The following VWDE variants were observed in gnomAD, a reference collection of about 807,000 sequenced individuals.
The protein encoded by VWDE is von Willebrand factor D and EGF domain-containing protein.
VWDE carries 207 observed loss-of-function variants against 178.4 expected under a neutral mutation model. The ratio of observed to expected loss-of-function variants is 1.16; its 90% CI spans 1.04 to 1.30. The LOEUF (loss-of-function observed/expected upper bound fraction) is 1.30. VWDE is among the 50% of genes most tolerant of loss of function. The pLI is 0.00. For missense variants in VWDE, 2,287 were observed against 1,901.3 expected, an observed-to-expected ratio of 1.20 and a Z score of -3.77; for synonymous variants, 738 against 651.4, an observed-to-expected ratio of 1.13 and a Z score of -2.02.
Position 12,401,488 on chromosome 7 carries a change from G to A in VWDE, c.58+2171C>T, listed in dbSNP as rs574871114. On this transcript the variant is annotated intron_variant, in intron 1 of 28. Transcript: ENST00000275358. ...AAGTACTCATTTTTTAAAATGGCAA[G>A]ATCTGAGTATTTCTCTGAAGAGAAT... Among the ~76,000 whole-genome samples, 7 of 152,226 alleles carry A rather than the reference G, an allele frequency of 4.6e-5. No individual in the cohort carries two copies. In the East Asian group the frequency reaches 1.3e-3, roughly 29 times the overall value.
chr7:12,371,550 G>A (rs139191506), intron 10 of VWDE, among the ~76,000 whole-genome samples: 66 of 152,060 alleles, frequency 4.3e-4, no homozygotes, highest in African/African-American at 1.5e-3. Context: ...TGCTCTTCTG[G>A]TTGTTTTTCC....
chr7:12,374,012 T>A (rs1460853582), intron 9 of VWDE, among the ~76,000 whole-genome samples: 2 of 152,136 alleles, frequency 1.3e-5, no homozygotes, highest in Non-Finnish European at 2.9e-5. Context: ...CATATTACAA[T>A]TTTTTAAGCA....
At chr7:12,390,897 A>G (rs1392586378) in intron 2 of VWDE, among the ~76,000 whole-genome samples, 2 of 152,148 alleles carry the variant, frequency 1.3e-5, no homozygotes, top group Non-Finnish European at 1.5e-5. Flanking sequence ...AATCAATCTT[A>G]CTAAAGACAC....
chr7:12,335,051 C>T (rs183658424), intron 27 of VWDE, among the ~76,000 whole-genome samples: 56 of 152,150 alleles, frequency 3.7e-4, no homozygotes, highest in African/African-American at 1.2e-3. Context: ...AAACTACATG[C>T]AAAATTTCTG....
intron 2 of VWDE, among the ~76,000 whole-genome samples, chr7:12,392,425 A>G (rs1409292230): frequency 6.6e-6 from 1 of 152,210 alleles, no homozygotes; most frequent in African/African-American, 2.4e-5. Context: ...ATCAATAATA[A>G]GAGTTGAACT....
intron 15 of VWDE, among the ~76,000 whole-genome samples, chr7:12,360,911 T>C (rs1782540105): frequency 6.6e-6 from 1 of 152,200 alleles, no homozygotes; most frequent in Non-Finnish European, 1.5e-5. Context: ...TAATTTAGTC[T>C]GGACTTCCTC....
intron 23 of VWDE, among the ~76,000 whole-genome samples, chr7:12,341,175 A>T (rs1178492378): frequency 6.6e-6 from 1 of 151,126 alleles, no homozygotes; most frequent in African/African-American, 2.5e-5. Flanking sequence ...ACAATATGCG[A>T]CTTGAAATGA....
intron 1 of VWDE, among the ~76,000 whole-genome samples, chr7:12,396,454 TA>T (rs1784630716): frequency 1.3e-5 from 2 of 152,242 alleles, no homozygotes; most frequent in Non-Finnish European, 2.9e-5. Context: ...GAATTTCAAG[TA>T]TTTTTTTAGT....
chr7:12,373,200 A>T lies in VWDE; in HGVS notation c.1364T>A (p.Met455Lys). The T allele has an allele frequency of 6.4e-7, 1 of 1,551,462 alleles. No homozygotes were observed. Among genetic ancestry groups the T allele is most frequent in the Non-Finnish European group, 8.7e-7 (1 of 1,146,796 alleles). ...KTGTFVLYKS[M>K]SRDFEVHVRQ... is the part of the protein sequence containing the mutation. ...TACATGGACTTCAAAATCACGTGACATACTCTTATAAAGCACAAATGTTCC... is the reference window on the plus strand; with the variant it reads ...TACATGGACTTCAAAATCACGTGACTTACTCTTATAAAGCACAAATGTTCC... The change falls in exon 10 of 29, where the codon ATG becomes AAG. Residue 455 changes from methionine to lysine, a missense_variant. Met to Lys is a moderately conservative substitution (Grantham distance 95). Coordinates refer to ENST00000275358, the MANE Select transcript of VWDE (RefSeq NM_001135924.3).
At chr7:12,392,689 T>C (rs1784440321) in intron 2 of VWDE, among the ~76,000 whole-genome samples, 1 of 152,074 alleles carries the variant, frequency 6.6e-6, no homozygotes, top group Non-Finnish European at 1.5e-5. Context: ...AGAAAATGTA[T>C]TTGTCAAATG....
At chr7:12,383,027 A>G (rs78325025) in intron 4 of VWDE, among the ~76,000 whole-genome samples, 1 of 151,716 alleles carries the variant, frequency 6.6e-6, no homozygotes, top group African/African-American at 2.4e-5. Flanking sequence ...AAAAAAAAAA[A>G]GGCATTGTTG....
In VWDE at chr7:12,361,240, A is replaced by T. The variant is rs1583304305; in HGVS notation, c.3066T>A (p.Asp1022Glu). The T allele has an allele frequency of 3.2e-6, 5 of 1,545,804 alleles. No homozygotes were observed. The East Asian group carries it at 1.2e-4, about 38-fold the overall frequency. The change falls in exon 15 of 29, where the codon GAT (aspartate) becomes GAA (glutamate). Residue 1022 changes from aspartate (D) to glutamate (E), a missense_variant. Transcript: ENST00000275358. ...TTTTGGGATTACTGAATTTATAACC[A>T]TCATTAGATACCTGTAACATAATAG... ...TGKWQLKVSN[D>E]GYKFSNPKIT... is the part of the protein sequence containing the mutation.
chr7:12,336,246 G>C lies in VWDE; in HGVS notation c.4559-10C>G, dbSNP rs200181513. ...TTCTGCAAGCAGATAGCTGCCAATC[G>C]AAATATAAACAAGTTAAAATTTTAA... On this transcript the variant is annotated splice_polypyrimidine_tract_variant and intron_variant, in intron 26 of 28. Transcript: ENST00000275358. 6.5e-7 allele frequency: 1 copy of C among 1,549,120 alleles called. No individual in the cohort carries two copies. Among genetic ancestry groups the C allele is most frequent in the South Asian group, 1.2e-5 (1 of 83,744 alleles).
At chr7:12,361,805 G>A (rs1333334866) in intron 13 of VWDE, among the ~76,000 whole-genome samples, 4 of 151,910 alleles carry the variant, frequency 2.6e-5, no homozygotes, top group African/African-American at 7.3e-5. Context: ...ACTATGTAAC[G>A]ACTTTTGTAG....
intron 2 of VWDE, among the ~76,000 whole-genome samples, chr7:12,390,504 C>T (rs1291841019): frequency 6.6e-6 from 1 of 150,974 alleles, no homozygotes; most frequent in East Asian, 1.9e-4. Flanking sequence ...TGCTTCAAAG[C>T]AAAGGAAAAA....
chr7:12,354,974 A>T (rs1212631257), intron 18 of VWDE, among the ~76,000 whole-genome samples: 1 of 152,220 alleles, frequency 6.6e-6, no homozygotes, highest in Non-Finnish European at 1.5e-5. Context: ...TGAAATGCTT[A>T]ACAACTCATC....
intron 15 of VWDE, 149 bp from the exon 16 acceptor site, chr7:12,359,841 G>A (rs1286226103): frequency 3.9e-6 from 2 of 511,206 alleles, no homozygotes; most frequent in Non-Finnish European, 7.0e-6. Flanking sequence ...TGCATATGAG[G>A]AAACAAATTA....
At chr7:12,380,262 T>G (rs899285650) in intron 5 of VWDE, among the ~76,000 whole-genome samples, 1 of 150,806 alleles carries the variant, frequency 6.6e-6, no homozygotes. Flanking sequence ...TTAATAATAA[T>G]CAGCAAATTA....
At chr7:12,392,300 A>G (rs1412275963) in intron 2 of VWDE, among the ~76,000 whole-genome samples, 1 of 152,224 alleles carries the variant, frequency 6.6e-6, no homozygotes, top group Non-Finnish European at 1.5e-5. Context: ...ACGTCAGATT[A>G]AAACCCTTCT....
Sources: allele counts gnomAD v4.1 joint callset (sites outside exome capture counted in the v4.1 genomes callset), GRCh38; gene constraint gnomAD v4.1.1; transcripts MANE v1.5; gene names NCBI Gene and HGNC (gene_info 2026-07-23, HGNC 2026-07-21).